FGF12: variants seen among roughly 807,000 people sequenced by gnomAD.
FGF12 encodes fibroblast growth factor 12B.
In FGF12, 14 loss-of-function variants were observed where a neutral mutation model predicts 23.6. The ratio of observed to expected loss-of-function variants is 0.59; its 90% confidence interval spans 0.39 to 0.93. The LOEUF is 0.93. Among genes scored for constraint, FGF12 ranks in the 40% least tolerant of loss-of-function variants. The probability of loss-of-function intolerance (pLI) is 0.00; values close to 1 mark genes in which losing one functional copy is unlikely to be tolerated. For missense variants in FGF12, 175 were observed against 217.8 expected (o/e 0.80, Z 1.24); for synonymous variants, 62 against 77.3 (o/e 0.80, Z 1.04).
At chr3:192,505,452 G>A (rs1378738719) in intron 2 of FGF12, among the ~76,000 whole-genome samples, 1 of 151,986 alleles carries the variant, frequency 6.6e-6, no homozygotes, top group African/African-American at 2.4e-5. Flanking sequence ...CCATAGAAAG[G>A]AAACAAAACA....
At chr3:192,706,685 C>G in intron 2 of FGF12, among the ~76,000 whole-genome samples, 1 of 152,278 alleles carries the variant, frequency 6.6e-6, no homozygotes, top group South Asian at 2.1e-4. Flanking sequence ...TATTTACCTC[C>G]GCTTACAACA....
intron 2 of FGF12, among the ~76,000 whole-genome samples, chr3:192,443,271 C>T (rs1722258512): frequency 6.6e-6 from 1 of 152,134 alleles, no homozygotes; most frequent in Non-Finnish European, 1.5e-5. Context: ...CAGAGATAAC[C>T]TTAAGTGAGG....
At chr3:192,677,127 G>A (rs763354952) in intron 2 of FGF12, among the ~76,000 whole-genome samples, 18 of 152,142 alleles carry the variant, frequency 1.2e-4, no homozygotes, top group Non-Finnish European at 2.2e-4. Context: ...TTGACTTTAC[G>A]TAGCATGAAA....
At chr3:192,581,426 G>GTA (rs1170755816) in intron 2 of FGF12, among the ~76,000 whole-genome samples, 11 of 147,422 alleles carry the variant, frequency 7.5e-5, no homozygotes, top group Admixed American at 1.4e-4. Context: ...ATATGTGTGT[G>GTA]TATATATATA....
At chr3:192,578,957 T>C (rs993878710) in intron 2 of FGF12, among the ~76,000 whole-genome samples, 1 of 152,210 alleles carries the variant, frequency 6.6e-6, no homozygotes, top group African/African-American at 2.4e-5. Context: ...AAAATACCAA[T>C]TGAAGACCTC....
chr3:192,580,894 C>T (rs114665894), intron 2 of FGF12, among the ~76,000 whole-genome samples: 2,149 of 152,216 alleles, frequency 0.014, 28 homozygotes, highest in South Asian at 0.044. Flanking sequence ...CCACCACTTC[C>T]GGCCTCAATA....
In FGF12 at chr3:192,316,752, A is replaced by T. The variant is rs144762228; in HGVS notation, c.228+18609T>A. On this transcript the variant is annotated intron_variant, in intron 4 of 5. Transcript: ENST00000445105. Reference sequence around the variant, plus strand: ...CTTGTGGTGCATGTGACCTAGTGAGACACCAGCCCAGGTGGCTAAGGGGAT... The same window carrying T: ...CTTGTGGTGCATGTGACCTAGTGAGTCACCAGCCCAGGTGGCTAAGGGGAT... Among the ~76,000 whole-genome samples the T allele has an allele frequency of 1.9e-3, 294 of 152,264 alleles. 1 individual carries two copies. Among genetic ancestry groups the T allele is most frequent in the African/African-American group, 6.8e-3 (282 of 41,566 alleles).
intron 4 of FGF12, among the ~76,000 whole-genome samples, chr3:192,215,826 A>G (rs922521282): frequency 6.6e-6 from 1 of 152,218 alleles, no homozygotes; most frequent in Admixed American, 6.5e-5. Flanking sequence ...ACATAAAAAC[A>G]ACTTTCTAGT....
Position 192,178,677 on chromosome 3 carries a change from T to A in FGF12, c.229-8021A>T, listed in dbSNP as rs545634619. ...CCATGCCTTAATTTTTTTGTATTTT[T>A]AGTAGAGACAGGGTTTCACCCTGTT... is the stretch of plus-strand genomic sequence containing the variant. On this transcript the variant is annotated intron_variant, in intron 4 of 5. Coordinates refer to ENST00000445105, the MANE Select transcript of FGF12 (RefSeq NM_004113.6). Among the ~76,000 whole-genome samples the A allele has an allele frequency of 2.0e-3, 312 of 152,316 alleles. 1 individual carries two copies. Among genetic ancestry groups the A allele is most frequent in the Non-Finnish European group, 3.4e-3 (234 of 68,032 alleles).
intron 2 of FGF12, among the ~76,000 whole-genome samples, chr3:192,708,797 T>C (rs1355038049): frequency 6.6e-6 from 1 of 152,192 alleles, no homozygotes; most frequent in Non-Finnish European, 1.5e-5. Flanking sequence ...ATCTAAGCAT[T>C]TGTGGAAATA....
chr3:192,437,170 A>G (rs1186353159), intron 2 of FGF12, among the ~76,000 whole-genome samples: 1 of 152,206 alleles, frequency 6.6e-6, no homozygotes, highest in African/African-American at 2.4e-5. Context: ...TGGAGGAAAT[A>G]AAAGGCTAGC....
intron 4 of FGF12, among the ~76,000 whole-genome samples, chr3:192,271,787 A>G (rs1007223871): frequency 2.0e-5 from 3 of 152,194 alleles, no homozygotes; most frequent in Admixed American, 6.6e-5. Flanking sequence ...AGGAGTCTGA[A>G]AGACATACAA....
intron 2 of FGF12, among the ~76,000 whole-genome samples, chr3:192,369,785 G>T (rs2366658): frequency 1.8e-4 from 28 of 152,052 alleles, no homozygotes; most frequent in Non-Finnish European, 1.5e-5. Flanking sequence ...AGGCACCCAC[G>T]GCCTGATCAA....
chr3:192,180,402 C>T (rs544645187), intron 4 of FGF12, among the ~76,000 whole-genome samples: 1 of 152,298 alleles, frequency 6.6e-6, no homozygotes, highest in East Asian at 1.9e-4. Context: ...CAGCACAATT[C>T]TCCATTGAAA....
At chr3:192,497,275 G>A (rs577134610) in intron 2 of FGF12, among the ~76,000 whole-genome samples, 7 of 152,170 alleles carry the variant, frequency 4.6e-5, no homozygotes, top group African/African-American at 1.4e-4. Context: ...CTCAAATCCC[G>A]CTGTCAATCA....
intron 2 of FGF12, among the ~76,000 whole-genome samples, chr3:192,480,044 A>G (rs1431317983): frequency 6.6e-6 from 1 of 152,272 alleles, no homozygotes; most frequent in East Asian, 1.9e-4. Context: ...GCAGATGATG[A>G]AAAGATAATA....
rs138553277 is a variant in FGF12, at chr3:192,385,438, A to G, written c.14-24900T>C. Among the ~76,000 whole-genome samples, 1,285 of 152,214 alleles carry G rather than the reference A, an allele frequency of 8.4e-3. 21 individuals carry two copies. Among genetic ancestry groups the G allele is most frequent in the South Asian group, 0.021 (100 of 4,818 alleles). On this transcript the variant is annotated intron_variant, in intron 2 of 5. Coordinates refer to ENST00000445105, the MANE Select transcript of FGF12 (RefSeq NM_004113.6). The stretch of plus-strand genomic sequence containing the variant: ...ATATTTAAATTTATAAATCAAGGTA[A>G]CTGTCAAATATTGGATATTTAGTTC...
chr3:192,229,181 T>C (rs1003319539), intron 4 of FGF12, among the ~76,000 whole-genome samples: 2 of 150,908 alleles, frequency 1.3e-5, no homozygotes, highest in South Asian at 2.1e-4. Context: ...AAAAAAAACC[T>C]GAGTTCTTGG....
chr3:192,397,685 C>G (rs1720582889), intron 2 of FGF12, among the ~76,000 whole-genome samples: 1 of 152,156 alleles, frequency 6.6e-6, no homozygotes, highest in African/African-American at 2.4e-5. Context: ...CTCTGGGTGA[C>G]TTTCCTTTCT....
Sources: allele counts gnomAD v4.1 joint callset (sites outside exome capture counted in the v4.1 genomes callset), GRCh38; gene constraint gnomAD v4.1.1; transcripts MANE v1.5; gene names NCBI Gene and HGNC (gene_info 2026-07-23, HGNC 2026-07-21).